Variants in STAG1 observed in about 807,000 individuals in gnomAD.
STAG1 encodes cohesin subunit SA-1.
Under a neutral mutation model 170.9 loss-of-function variants are expected in STAG1, and 26 were observed. The observed-to-expected ratio is 0.15, with a 90% CI of 0.11 to 0.21. The LOEUF (loss-of-function observed/expected upper bound fraction) is 0.21. STAG1 is among the 10% of genes least tolerant of loss of function. STAG1 has a pLI of 1.00. For missense variants in STAG1, 964 were observed against 1,509.5 expected (o/e 0.64, Z 5.99); for synonymous variants, 514 against 497.7 (o/e 1.03, Z -0.44).
chr3:136,430,057 G>A (rs1468285343), intron 16 of STAG1: 2 of 152,222 alleles, frequency 1.3e-5, no homozygotes, highest in African/African-American at 2.4e-5. Flanking sequence ...AAAGTTACAC[G>A]TGAATTTTTT....
At chr3:136,591,438 T>C (rs1241854908) in intron 4 of STAG1, 3 of 216,520 alleles carry the variant, frequency 1.4e-5, no homozygotes, top group Non-Finnish European at 1.9e-5. Flanking sequence ...GTCATGGCCA[T>C]ATGCACCTGT....
At chr3:136,582,796 G>A (rs1405129282) in intron 4 of STAG1, among the ~76,000 whole-genome samples, 1 of 151,864 alleles carries the variant, frequency 6.6e-6, no homozygotes, top group Non-Finnish European at 1.5e-5. Flanking sequence ...CAGACTCCAT[G>A]TCAAAAAAAT....
Position 136,338,545 on chromosome 3 carries a change from T to C in STAG1, c.3673-95A>G, listed in dbSNP as rs569028866. ...AATATTTCTGACAGTATCATAAATA[T>C]ATGGAACTGCTAAGAGTCAATTTTG... is the stretch of plus-strand genomic sequence containing the variant. On this transcript the variant is annotated intron_variant, in intron 32 of 33. Transcript: ENST00000383202. 8 of 861,798 alleles carry C rather than the reference T, an allele frequency of 9.3e-6. No individual in the cohort carries two copies. In the South Asian group the frequency reaches 1.0e-4, roughly 11 times the overall value. 53.4% of individuals were successfully genotyped at this position (861,798 alleles called of 1,614,324 possible). A position where few individuals can be genotyped will look rare whatever the true frequency, so the allele number is the denominator to read the frequency against.
chr3:136,646,357 A>C (rs2107851353), intron 1 of STAG1, among the ~76,000 whole-genome samples: 1 of 152,272 alleles, frequency 6.6e-6, no homozygotes, highest in East Asian at 1.9e-4. Flanking sequence ...ATTCTCTTCA[A>C]CAACTATTTC....
chr3:136,439,811 T>C (rs2088578535), intron 15 of STAG1, among the ~76,000 whole-genome samples: 1 of 152,200 alleles, frequency 6.6e-6, no homozygotes, highest in Non-Finnish European at 1.5e-5. Context: ...AGACTCTGCC[T>C]ACCTAGATTC....
intron 1 of STAG1, among the ~76,000 whole-genome samples, chr3:136,705,273 T>C (rs1222707059): frequency 6.6e-6 from 1 of 151,728 alleles, no homozygotes; most frequent in Non-Finnish European, 1.5e-5. Flanking sequence ...CTATACACCA[T>C]GAACAAGTAA....
chr3:136,672,708 C>A (rs1942013335), intron 1 of STAG1, among the ~76,000 whole-genome samples: 1 of 152,162 alleles, frequency 6.6e-6, no homozygotes, highest in Non-Finnish European at 1.5e-5. Context: ...CCCCGCAACA[C>A]ACACACAGAG....
chr3:136,476,391 A>G (rs963969012), intron 10 of STAG1, among the ~76,000 whole-genome samples: 2 of 152,234 alleles, frequency 1.3e-5, no homozygotes, highest in Non-Finnish European at 2.9e-5. Flanking sequence ...TGGGAACACA[A>G]TAATTGCAAT....
chr3:136,714,907 CA>C (rs566097796), intron 1 of STAG1, among the ~76,000 whole-genome samples: 3,075 of 49,602 alleles, frequency 0.062, 45 homozygotes, highest in Admixed American at 0.13. Context: ...AGCCCCATCT[CA>C]AAAAAAAAAA....
intron 1 of STAG1, among the ~76,000 whole-genome samples, chr3:136,650,058 C>T (rs1233201546): frequency 1.3e-5 from 2 of 151,880 alleles, no homozygotes; most frequent in African/African-American, 2.4e-5. Flanking sequence ...TGAGCCATCA[C>T]GCCCAGCCAA....
chr3:136,565,891 C>G (rs1937059194), intron 5 of STAG1, among the ~76,000 whole-genome samples: 1 of 152,094 alleles, frequency 6.6e-6, no homozygotes, highest in Non-Finnish European at 1.5e-5. Context: ...TTAAATGAAC[C>G]TCAAAAACAT....
intron 13 of STAG1, among the ~76,000 whole-genome samples, chr3:136,461,272 C>G (rs1271674388): frequency 6.6e-6 from 1 of 152,090 alleles, no homozygotes. Context: ...GAACTCAAGA[C>G]CAGGATGCCA....
intron 2 of STAG1, among the ~76,000 whole-genome samples, chr3:136,626,098 T>C (rs143372716): frequency 5.3e-5 from 8 of 151,362 alleles, no homozygotes; most frequent in Non-Finnish European, 7.4e-5. Context: ...ATAAATAATA[T>C]TGTAAATGAT....
At chr3:136,471,973 G>C (rs928996082) in intron 12 of STAG1, among the ~76,000 whole-genome samples, 1 of 152,214 alleles carries the variant, frequency 6.6e-6, no homozygotes, top group African/African-American at 2.4e-5. Flanking sequence ...AAGTAGCTAG[G>C]ACAACAGGCA....
intron 3 of STAG1, among the ~76,000 whole-genome samples, chr3:136,622,242 C>CAGGAGGCTGAGGCAGGAGAATCG (rs1939897225): frequency 6.6e-6 from 1 of 151,914 alleles, no homozygotes; most frequent in Admixed American, 6.6e-5. Flanking sequence ...ATCGCTGAAC[C>CAGGAGGCTGAGGCAGGAGAATCG]CAGGAGGTGG....
chr3:136,385,228 C>T (rs1040128959), intron 22 of STAG1, among the ~76,000 whole-genome samples: 4 of 152,062 alleles, frequency 2.6e-5, no homozygotes, highest in African/African-American at 7.2e-5. Context: ...GCAGGAGGAA[C>T]GCTTGAGGCC....
In STAG1 at chr3:136,564,021, GA is replaced by G. The variant is rs1001396844; in HGVS notation, c.394+4743del. On this transcript the variant is annotated intron_variant, in intron 5 of 33. Transcript: ENST00000383202. ...CTGGGTGACAGAATAAGACTGTCTC[GA>G]AAAAAAAAATACAGGGAAAATCCCT... 4.1e-5 allele frequency among the ~76,000 whole-genome samples: 6 copies of G among 147,766 alleles called. No individual in the cohort carries two copies. The East Asian group carries it at 6.0e-4, about 15-fold the overall frequency.
intron 1 of STAG1, among the ~76,000 whole-genome samples, chr3:136,654,450 T>C (rs772851565): frequency 2.6e-5 from 4 of 152,196 alleles, no homozygotes; most frequent in Non-Finnish European, 5.9e-5. Context: ...GAAAGACTTG[T>C]AGTACACTGA....
chr3:136,676,624 T>C (rs1238330695), intron 1 of STAG1, among the ~76,000 whole-genome samples: 3 of 152,146 alleles, frequency 2.0e-5, no homozygotes, highest in African/African-American at 4.8e-5. Context: ...TTTTAAATTT[T>C]GTATTTGTGG....
Sources: gnomAD v4.1 joint callset for allele counts (sites outside exome capture counted in the v4.1 genomes callset) on GRCh38, gnomAD v4.1.1 for gene constraint, MANE v1.5 for transcripts, NCBI Gene and HGNC (gene_info 2026-07-23, HGNC 2026-07-21) for gene names.